Variants in FYTTD1 observed in about 807,000 individuals in gnomAD.
FYTTD1 encodes UAP56-interacting factor.
FYTTD1 carries 22 observed loss-of-function variants against 40.9 expected under a neutral mutation model. That is an observed-to-expected ratio of 0.54 (90% confidence interval 0.38 to 0.77). The LOEUF (loss-of-function observed/expected upper bound fraction) is 0.77. Ranked by LOEUF, FYTTD1 falls within the 30% of genes least tolerant of loss-of-function variation. The pLI, the probability that FYTTD1 is intolerant of heterozygous loss-of-function variation, is 0.00. For synonymous variants in FYTTD1, 140 were observed against 137.9 expected (o/e 1.01, Z -0.10); for missense variants, 351 against 392.2 (o/e 0.90, Z 0.89).
At chr3:197,749,635 G>C (rs1037336189), upstream of FYTTD1, 4 of 962,880 alleles carry the variant, frequency 4.2e-6, no homozygotes, top group Admixed American at 9.0e-5. Context: ...TATCACTGAA[G>C]GCATAAGATT....
Position 197,786,162 on chromosome 3 carries a change from T to A in FYTTD1, c.*4253T>A, listed in dbSNP as rs1730151728. ...TGGAGTTTCACTCTTGTTGCCCAGG[T>A]TGGAGTGCAATGGTGCGATCTCGGC... On this transcript the variant is annotated 3_prime_UTR_variant, in exon 9 of 9. Transcript: ENST00000241502. The A allele has an allele frequency of 6.6e-6, 1 of 151,318 alleles. No individual in the cohort carries two copies. Among genetic ancestry groups the A allele is most frequent in the African/African-American group, 2.4e-5 (1 of 41,104 alleles). The allele number at this position is 151,318 out of a possible 1,614,324, so 9.4% of individuals were successfully genotyped here. A position where few individuals can be genotyped will look rare whatever the true frequency, so the allele number is the denominator to read the frequency against.
chr3:197,773,206 T>C (rs975916284), intron 4 of FYTTD1, among the ~76,000 whole-genome samples, 197 bp from the exon 5 acceptor site: 5 of 152,260 alleles, frequency 3.3e-5, no homozygotes, highest in African/African-American at 1.2e-4. Flanking sequence ...AACACGTGGT[T>C]ATGTGCTATG....
intron 4 of FYTTD1, among the ~76,000 whole-genome samples, chr3:197,771,593 C>T (rs1002956548): frequency 7.9e-5 from 12 of 151,176 alleles, no homozygotes; most frequent in African/African-American, 1.5e-4. Flanking sequence ...CGGCTAAAAA[C>T]GGTGAAACCC....
In FYTTD1 at chr3:197,750,017, TCGC is replaced by T. The variant is rs1180735517; in HGVS notation, c.55_57del (p.Pro19del). 2 of 1,584,856 alleles carry T rather than the reference TCGC, an allele frequency of 1.3e-6. No individual in the cohort carries two copies. Among genetic ancestry groups the T allele is most frequent in the African/African-American group, 2.8e-5 (2 of 72,014 alleles). On this transcript the variant is annotated inframe_deletion, in exon 1 of 9. Transcript: ENST00000241502. ...GTTGGTGGGAGCCACGGCGACTTCT[TCGC>T]CGCCGCCGAAGGCCCGCAGCAATGA...
At position 197,749,986 on chromosome 3, in the gene FYTTD1, T is replaced by C; in HGVS notation, c.15T>C (p.Gly5=). 6.3e-7 allele frequency: 1 copy of C among 1,581,552 alleles called. No homozygotes were observed. The highest frequency in any genetic ancestry group is 8.6e-7 in the Non-Finnish European group (1 of 1,165,640). The change falls in exon 1 of 9, where the codon GGT becomes GGC. Residue 5 remains glycine, a synonymous_variant. Coordinates refer to ENST00000241502, the MANE Select transcript of FYTTD1 (RefSeq NM_032288.7). ...CGTCTCCAGCCATGAACCGGTTTGG[T>C]ACCCGGTTGGTGGGAGCCACGGCGA... MNRF[G]TRLVGATATS...
At position 197,751,490 on chromosome 3, in the gene FYTTD1, A is replaced by C. The variant is rs1238400811; in HGVS notation, c.103+1416A>C. Among the ~76,000 whole-genome samples the C allele has an allele frequency of 2.6e-5, 4 of 152,104 alleles. No individual in the cohort carries two copies. The East Asian group carries it at 7.7e-4, about 29-fold the overall frequency. On this transcript the variant is annotated intron_variant, in intron 1 of 8. Transcript: ENST00000241502. The stretch of plus-strand genomic sequence containing the variant: ...GTGAAATCCCATGTCTACTAAAAAT[A>C]CTAAAATTAGCCGGGCGTGGTGGCC...
At chr3:197,768,975 G>A (rs757803255) in intron 3 of FYTTD1, among the ~76,000 whole-genome samples, 15 of 151,058 alleles carry the variant, frequency 9.9e-5, no homozygotes, top group Non-Finnish European at 2.1e-4. Context: ...ATGTTGGCCA[G>A]GCTGGTCTCG....
intron 1 of FYTTD1, among the ~76,000 whole-genome samples, chr3:197,752,351 A>G (rs1729084764): frequency 6.6e-6 from 1 of 152,336 alleles, no homozygotes; most frequent in South Asian, 2.1e-4. Context: ...GACAGTAAGT[A>G]GTGTTTACCA....
rs745328750 is a variant in FYTTD1, at chr3:197,781,879, AG to A, written c.932del (p.Gly311GlufsTer18). On this transcript the variant is annotated frameshift_variant, in exon 9 of 9. Transcript: ENST00000241502. LOFTEE classifies it high-confidence loss of function. The part of the protein sequence containing the change: ...EQRATLTYNK[G>X]GSRFVTVG ...AAAGAGCCACTCTCACATACAACAAAGGGGGAAGCCGCTTTGTCACCGTGGG... is the reference window on the plus strand; with the variant it reads ...AAAGAGCCACTCTCACATACAACAAAGGGGAAGCCGCTTTGTCACCGTGGG... 1 of 1,608,828 alleles carries A rather than the reference AG, an allele frequency of 6.2e-7. No homozygotes were observed. Among genetic ancestry groups the A allele is most frequent in the Non-Finnish European group, 8.5e-7 (1 of 1,176,596 alleles).
chr3:197,777,070 A>G, intron 7 of FYTTD1, 69 bp downstream of exon 7: 1 of 926,258 alleles, frequency 1.1e-6, no homozygotes, highest in Middle Eastern at 2.2e-4. Context: ...AAAGTATTGG[A>G]CTTCTGCTCA....
At chr3:197,777,077 C>G in intron 7 of FYTTD1, 76 bp downstream of exon 7, 1 of 872,142 alleles carries the variant, frequency 1.1e-6, no homozygotes, top group Admixed American at 2.3e-5. Flanking sequence ...TGGACTTCTG[C>G]TCAGAGAATG....
At chr3:197,752,758 G>T (rs1475943782) in intron 1 of FYTTD1, among the ~76,000 whole-genome samples, 1 of 151,950 alleles carries the variant, frequency 6.6e-6, no homozygotes, top group Non-Finnish European at 1.5e-5. Context: ...ATATATATGT[G>T]TGTATGTCTG....
At chr3:197,778,579 A>G in intron 8 of FYTTD1, 115 bp downstream of exon 8, 1 of 654,594 alleles carries the variant, frequency 1.5e-6, no homozygotes, top group Admixed American at 3.2e-5. Flanking sequence ...CCTGAAACCT[A>G]GGGAACCACT....
intron 6 of FYTTD1, among the ~76,000 whole-genome samples, chr3:197,775,131 G>A (rs1729840919): frequency 6.6e-6 from 1 of 151,850 alleles, no homozygotes; most frequent in Non-Finnish European, 1.5e-5. Context: ...AACCTATTTA[G>A]GGAATGAATA....
At chr3:197,766,560 A>G (rs1355566058) in intron 2 of FYTTD1, among the ~76,000 whole-genome samples, 2 of 151,640 alleles carry the variant, frequency 1.3e-5, no homozygotes, top group African/African-American at 4.8e-5. Flanking sequence ...CTCCTGCCTC[A>G]GCCTCCCTAT....
chr3:197,768,572 A>G lies in FYTTD1; in HGVS notation c.369A>G (p.Pro123=). The G allele has an allele frequency of 1.2e-6, 2 of 1,613,406 alleles. No homozygotes were observed. The highest frequency in any genetic ancestry group is 2.2e-5 in the East Asian group (1 of 44,848). ...IRKGISPMNR[P]PLSDKNIEQY... The stretch of plus-strand genomic sequence containing the variant: ...AAGGAATTAGTCCTATGAATCGTCC[A>G]CCTCTAAGTGACAAGGTAGGATGAT... Residue 123 remains proline (P), a synonymous_variant, in exon 3 of 9, where the codon CCA becomes CCG. Coordinates refer to ENST00000241502, the MANE Select transcript of FYTTD1 (RefSeq NM_032288.7).
rs775005337 is a variant in FYTTD1, at chr3:197,756,411, T to C, written c.104-15T>C. On this transcript the variant is annotated splice_polypyrimidine_tract_variant and intron_variant, in intron 1 of 8. Transcript: ENST00000241502. ...TAAGTTAAAATGAAAATAATTGACA[T>C]TTCCTCTATCATAGATGATATCATC... The C allele has an allele frequency of 6.3e-7, 1 of 1,582,678 alleles. No homozygotes were observed. Among genetic ancestry groups the C allele is most frequent in the Non-Finnish European group, 8.7e-7 (1 of 1,153,448 alleles).
At chr3:197,759,936 T>C (rs1729326635) in intron 2 of FYTTD1, among the ~76,000 whole-genome samples, 1 of 151,502 alleles carries the variant, frequency 6.6e-6, no homozygotes, top group African/African-American at 2.4e-5. Flanking sequence ...TGTTCTTCAG[T>C]GGTAGAATGT....
chr3:197,749,543 C>T, upstream of FYTTD1: 1 of 1,291,012 alleles, frequency 7.7e-7, no homozygotes, highest in Non-Finnish European at 1.0e-6. Flanking sequence ...GGCTGCGTTG[C>T]GGTGGGCGCG....
Sources: gnomAD v4.1 joint callset for allele counts (sites outside exome capture counted in the v4.1 genomes callset) on GRCh38, gnomAD v4.1.1 for gene constraint, MANE v1.5 for transcripts, NCBI Gene and HGNC (gene_info 2026-07-23, HGNC 2026-07-21) for gene names.